The following TGM3 variants were observed in gnomAD, a reference collection of about 807,000 sequenced individuals.
TGM3 encodes transglutaminase 3, also known as protein-glutamine gamma-glutamyltransferase E.
TGM3 carries 52 observed loss-of-function variants against 73.8 expected under a neutral mutation model. The observed-to-expected ratio is 0.70, with a 90% CI of 0.56 to 0.89. The LOEUF (loss-of-function observed/expected upper bound fraction) is 0.89, where lower values mean the gene tolerates loss of function less well. TGM3 is among the 40% of genes least tolerant of loss of function. The pLI, the probability that TGM3 is intolerant of heterozygous loss-of-function variation, is 0.00. For synonymous variants in TGM3, 372 were observed against 354.9 expected, an observed-to-expected ratio of 1.05 and a Z score of -0.54; for missense variants, 928 against 909.9, an observed-to-expected ratio of 1.02 and a Z score of -0.26.
chr20:2,298,293 C>G (rs2084122105), intron 1 of TGM3, among the ~76,000 whole-genome samples: 1 of 152,144 alleles, frequency 6.6e-6, no homozygotes, highest in African/African-American at 2.4e-5. Flanking sequence ...TGGCAGTGAT[C>G]CGCACCAAGT....
chr20:2,310,321 G>A lies in TGM3; in HGVS notation c.325G>A (p.Gly109Arg), dbSNP rs1256196992. The A allele has an allele frequency of 6.2e-7, 1 of 1,614,242 alleles. No individual in the cohort carries two copies. Among genetic ancestry groups the A allele is most frequent in the South Asian group, 1.1e-5 (1 of 91,092 alleles). The change falls in exon 3 of 13, where the codon GGA (glycine) becomes AGA (arginine). Residue 109 changes from glycine to arginine, a missense_variant. By Grantham distance (125) the Gly-to-Arg change is moderately radical (BLOSUM62 -2). Coordinates refer to ENST00000381458, the MANE Select transcript of TGM3 (RefSeq NM_003245.4). ...SISSPASAPIGRYTMALQIFS... is the reference protein window; with the variant it reads ...SISSPASAPIRRYTMALQIFS... ...CTCCAGTCCTGCCAGCGCACCCATA[G>A]GACGGTACACAATGGCCCTCCAGAT... is the stretch of plus-strand genomic sequence containing the variant.
In TGM3 at chr20:2,325,839, C is replaced by A. The variant is rs1382105467; in HGVS notation, c.984-10C>A. 6.5e-7 allele frequency: 1 copy of A among 1,544,906 alleles called. No homozygotes were observed. Among genetic ancestry groups the A allele is most frequent in the Admixed American group, 1.9e-5 (1 of 51,326 alleles). The stretch of plus-strand genomic sequence containing the variant: ...TGGGCAAGCGCTGCAGTCTCTGGTT[C>A]TATCTGCAGGAATTTCCATGTCTGG... On this transcript the variant is annotated splice_polypyrimidine_tract_variant and intron_variant, in intron 7 of 12. Coordinates refer to ENST00000381458, the MANE Select transcript of TGM3 (RefSeq NM_003245.4).
In TGM3 at chr20:2,312,964, G is replaced by A. The variant is rs775421963; in HGVS notation, c.607G>A (p.Ala203Thr). 3.3e-5 allele frequency: 53 copies of A among 1,614,058 alleles called. No homozygotes were observed. Among genetic ancestry groups the A allele is most frequent in the Non-Finnish European group, 4.2e-5 (49 of 1,180,044 alleles). ...LDRSLNFRRD[A>T]ATDVASRNDP... The stretch of plus-strand genomic sequence containing the variant: ...TAGGAGTCTGAATTTCCGCCGTGAC[G>A]CTGCTACTGATGTGGCCAGCAGAAA... Residue 203 changes from alanine (A) to threonine (T), a missense_variant, in exon 5 of 13, where the codon GCT (alanine) becomes ACT (threonine). Physicochemically the swap from Ala to Thr is moderately conservative, Grantham distance 58 (BLOSUM62 0). Transcript: ENST00000381458.
chr20:2,317,294 C>T (rs2084239608), intron 6 of TGM3, 49 bp downstream of exon 6: 3 of 1,613,792 alleles, frequency 1.9e-6, no homozygotes, highest in Admixed American at 1.7e-5. Context: ...TGGCAGTGGG[C>T]TATGCCAAGG....
chr20:2,318,372 G>A (rs1216758682), intron 7 of TGM3, among the ~76,000 whole-genome samples: 2 of 152,094 alleles, frequency 1.3e-5, no homozygotes, highest in African/African-American at 4.8e-5. Flanking sequence ...AGTATGCCAT[G>A]TGCACACTAT....
intron 1 of TGM3, among the ~76,000 whole-genome samples, chr20:2,296,617 A>G (rs1366041764): frequency 1.3e-5 from 2 of 152,118 alleles, no homozygotes; most frequent in Admixed American, 1.3e-4. Flanking sequence ...GAAGCATCAG[A>G]CAGGCTCTGT....
At chr20:2,339,735 C>T (rs556409932) in intron 11 of TGM3, 119 bp from the exon 12 acceptor site, 1 of 1,402,328 alleles carries the variant, frequency 7.1e-7, no homozygotes, top group African/African-American at 1.4e-5. Flanking sequence ...AATGGTCTCC[C>T]CTTCTTCATC....
Position 2,310,376 on chromosome 20 carries a change from A to G in TGM3, c.380A>G (p.Lys127Arg). ...IFSQGGISSV[K>R]LGTFILLFNP... ...TCCCAGGGCGGCATCTCCTCTGTGA[A>G]ACTTGGGACGTTCATACTGCTTTTT... The change falls in exon 3 of 13, where the codon AAA becomes AGA. Residue 127 changes from lysine (K) to arginine (R), a missense_variant. Physicochemically the swap from Lys to Arg is conservative, Grantham distance 26. Transcript: ENST00000381458. The G allele has an allele frequency of 1.2e-6, 2 of 1,614,210 alleles. No homozygotes were observed. The highest frequency in any genetic ancestry group is 1.7e-6 in the Non-Finnish European group (2 of 1,180,022).
chr20:2,340,020 G>A, intron 12 of TGM3, 33 bp downstream of exon 12: 1 of 1,515,866 alleles, frequency 6.6e-7, no homozygotes, highest in South Asian at 1.2e-5. Flanking sequence ...CGGTGCAGGA[G>A]GGCGGGAGGG....
In TGM3 at chr20:2,334,489, G is replaced by A. The variant is rs1392803680; in HGVS notation, c.1643-627G>A. Among the ~76,000 whole-genome samples the A allele has an allele frequency of 6.6e-6, 1 of 152,234 alleles. No homozygotes were observed. The highest frequency in any genetic ancestry group is 2.4e-5 in the African/African-American group (1 of 41,466). ...ACCAGACCAGAGGAATGAAGGGGAT[G>A]CTGTGGCAGTAGAACCCCAGGCTAT... On this transcript the variant is annotated intron_variant, in intron 10 of 12. Coordinates refer to ENST00000381458, the MANE Select transcript of TGM3 (RefSeq NM_003245.4). The surrounding 1 kb of genome is among the most constrained non-coding windows in gnomAD (Gnocchi z 4.0).
chr20:2,319,981 G>T (rs1286059295), intron 7 of TGM3, among the ~76,000 whole-genome samples: 1 of 152,138 alleles, frequency 6.6e-6, no homozygotes, highest in South Asian at 2.1e-4. Context: ...TTAAATTCTC[G>T]GGAGCTTCAG....
intron 1 of TGM3, among the ~76,000 whole-genome samples, chr20:2,307,757 T>G (rs1471378557): frequency 6.6e-6 from 1 of 152,218 alleles, no homozygotes; most frequent in Non-Finnish European, 1.5e-5. Context: ...ATATTTTTAT[T>G]GAATGAATAC....
At chr20:2,335,689 C>A (rs1213788558) in intron 11 of TGM3, among the ~76,000 whole-genome samples, 1 of 152,194 alleles carries the variant, frequency 6.6e-6, no homozygotes, top group African/African-American at 2.4e-5. Context: ...GAATCACAGA[C>A]AGGCACAGGT....
At chr20:2,305,916 A>G (rs1291160696) in intron 1 of TGM3, among the ~76,000 whole-genome samples, 2 of 152,244 alleles carry the variant, frequency 1.3e-5, no homozygotes, top group Non-Finnish European at 2.9e-5. Context: ...ACAAATGCCC[A>G]GTAAACTTCA....
intron 7 of TGM3, among the ~76,000 whole-genome samples, chr20:2,320,319 T>A (rs1438609972): frequency 6.6e-6 from 1 of 152,240 alleles, no homozygotes; most frequent in African/African-American, 2.4e-5. Flanking sequence ...AGTTGTTGTG[T>A]GCCAGGTACT....
intron 1 of TGM3, among the ~76,000 whole-genome samples, chr20:2,303,568 G>T (rs140343798): frequency 6.6e-6 from 1 of 151,982 alleles, no homozygotes; most frequent in Non-Finnish European, 1.5e-5. Flanking sequence ...ATTTTACCTC[G>T]ATTTTTTAAA....
At chr20:2,337,270 G>A (rs1172290899) in intron 11 of TGM3, among the ~76,000 whole-genome samples, 1 of 152,150 alleles carries the variant, frequency 6.6e-6, no homozygotes, top group African/African-American at 2.4e-5. Flanking sequence ...AGCCTCTCCT[G>A]CTTCACAAGA....
At chr20:2,306,717 T>C (rs1181533806) in intron 1 of TGM3, among the ~76,000 whole-genome samples, 1 of 152,174 alleles carries the variant, frequency 6.6e-6, no homozygotes, top group East Asian at 1.9e-4. Flanking sequence ...CCTCAAATGA[T>C]CCACCCACCT....
In TGM3 at chr20:2,328,102, C is replaced by A; in HGVS notation, c.1088-18C>A. On this transcript the variant is annotated intron_variant, in intron 8 of 12. Transcript: ENST00000381458. This position sits in a 1 kb window ranked among gnomAD's most constrained non-coding sequence, Gnocchi z 5.2. ...TGTGGCCTTGGCATATATCCAGCCT[C>A]TGCATCTTGGCCTCCAGGGGTGTTC... is the stretch of plus-strand genomic sequence containing the variant. 1 of 1,614,094 alleles carries A rather than the reference C, an allele frequency of 6.2e-7. No homozygotes were observed. Among genetic ancestry groups the A allele is most frequent in the South Asian group, 1.1e-5 (1 of 91,066 alleles).
Sources: gnomAD v4.1 joint callset for allele counts (sites outside exome capture counted in the v4.1 genomes callset) on GRCh38, gnomAD v4.1.1 for gene constraint, Gnocchi (gnomAD v3.1) non-coding constraint, MANE v1.5 for transcripts, NCBI Gene and HGNC (gene_info 2026-07-23, HGNC 2026-07-21) for gene names.